The following GDAP2 variants were observed in gnomAD, a reference collection of about 807,000 sequenced individuals.
GDAP2 encodes ganglioside induced differentiation associated protein 2, also known as ganglioside-induced differentiation-associated protein 2.
A neutral mutation model predicts 67.0 loss-of-function variants in GDAP2; 51 were observed. That is an observed-to-expected ratio of 0.76 (90% CI 0.61 to 0.96). The LOEUF (loss-of-function observed/expected upper bound fraction) is 0.96. Among genes scored for constraint, GDAP2 ranks in the 40% least tolerant of loss-of-function variants. The pLI is 0.00. For missense variants in GDAP2, 547 were observed against 588.3 expected (o/e 0.93, Z 0.73); for synonymous variants, 203 against 207.3 (o/e 0.98, Z 0.18).
At position 117,865,321 on chromosome 1, in the gene GDAP2, A is replaced by G. The variant is rs1422047560; in HGVS notation, c.*5248T>C. On this transcript the variant is annotated 3_prime_UTR_variant, in exon 14 of 14. Coordinates refer to ENST00000369443, the MANE Select transcript of GDAP2 (RefSeq NM_017686.4). ...TTGATTCTTCATAGGCTATATTTGTATAGAGTGAGACCCTCTTTAAAAGGG... is the reference window on the plus strand; with the variant it reads ...TTGATTCTTCATAGGCTATATTTGTGTAGAGTGAGACCCTCTTTAAAAGGG... 2.0e-5 allele frequency: 3 copies of G among 152,228 alleles called. No homozygotes were observed. Among genetic ancestry groups the G allele is most frequent in the Admixed American group, 1.3e-4 (2 of 15,282 alleles). 9.4% of individuals were successfully genotyped at this position (152,228 alleles called of 1,614,324 possible).
chr1:117,879,992 A>G (rs1450645048), intron 12 of GDAP2, among the ~76,000 whole-genome samples: 1 of 152,180 alleles, frequency 6.6e-6, no homozygotes, highest in East Asian at 1.9e-4. Context: ...AGCCTTGGCA[A>G]CAGGGCAAGA....
chr1:117,878,092 C>G lies in GDAP2; in HGVS notation c.1363G>C (p.Val455Leu). ...GAAAACAGCTGGTGGAGGCTGTCCACATGGTGGATTTTGTCCTTCAGTCCT... is the reference window on the plus strand; with the variant it reads ...GAAAACAGCTGGTGGAGGCTGTCCAGATGGTGGATTTTGTCCTTCAGTCCT... ...VSGLKDKIHH[V>L]DSLHQLFSAI... The change falls in exon 13 of 14, where the codon GTG (valine) becomes CTG (leucine). Residue 455 changes from valine (V) to leucine (L), a missense_variant. Coordinates refer to ENST00000369443, the MANE Select transcript of GDAP2 (RefSeq NM_017686.4). 1 of 1,612,940 alleles carries G rather than the reference C, an allele frequency of 6.2e-7. No individual in the cohort carries two copies. Among genetic ancestry groups the G allele is most frequent in the African/African-American group, 1.3e-5 (1 of 75,006 alleles).
In GDAP2 at chr1:117,869,396, A is replaced by G. The variant is rs1343811391; in HGVS notation, c.*1173T>C. 2.0e-5 allele frequency: 3 copies of G among 152,342 alleles called. No individual in the cohort carries two copies. The highest frequency in any genetic ancestry group is 7.2e-5 in the African/African-American group (3 of 41,434). The allele number at this position is 152,342 out of a possible 1,614,324, so 9.4% of individuals were successfully genotyped here. ...TACACTAACAGGTATTGCCACACAA[A>G]AAGAAAAATCACTCAAATGGTATCA... On this transcript the variant is annotated 3_prime_UTR_variant, in exon 14 of 14. Transcript: ENST00000369443.
chr1:117,918,781 A>C, intron 2 of GDAP2, 45 bp from the exon 3 acceptor site: 1 of 1,451,090 alleles, frequency 6.9e-7, no homozygotes, highest in Middle Eastern at 1.7e-4. Flanking sequence ...AAAAAGAAGA[A>C]AAGAAACCTA....
chr1:117,877,447 GAATA>G (rs1648502576), intron 13 of GDAP2: 8 of 970,318 alleles, frequency 8.2e-6, no homozygotes, highest in Non-Finnish European at 9.8e-6. Flanking sequence ...AAACACAATA[GAATA>G]AATTGATGAA....
intron 3 of GDAP2, chr1:117,913,366 A>G (rs964271749): frequency 3.9e-5 from 6 of 152,100 alleles, no homozygotes; most frequent in African/African-American, 1.4e-4. Flanking sequence ...CAAATCTGCA[A>G]CAACCCCTCC....
At chr1:117,874,199 C>T (rs1269343648) in intron 13 of GDAP2, among the ~76,000 whole-genome samples, 1 of 152,160 alleles carries the variant, frequency 6.6e-6, no homozygotes, top group African/African-American at 2.4e-5. Flanking sequence ...GAAATTTGAT[C>T]CCCATGCTGG....
chr1:117,923,618 C>G (rs953428664), intron 1 of GDAP2, among the ~76,000 whole-genome samples: 1 of 151,794 alleles, frequency 6.6e-6, no homozygotes, highest in African/African-American at 2.4e-5. Context: ...TGAACTTTCT[C>G]CCCCCCAAAT....
In GDAP2 at chr1:117,883,576, C is replaced by T; in HGVS notation, c.1159G>A (p.Val387Ile). 6.3e-7 allele frequency: 1 copy of T among 1,599,006 alleles called. No homozygotes were observed. Among genetic ancestry groups the T allele is most frequent in the South Asian group, 1.1e-5 (1 of 90,714 alleles). ...VMDHIAVKEY[V>I]LVYFHTLTSE... ...GTCAGGGTGTGAAAATACACTAATA[C>T]ATACTCCTTCACAGCAATGTGATCC... The change falls in exon 11 of 14, where the codon GTA becomes ATA. Residue 387 changes from valine to isoleucine, a missense_variant. Physicochemically the swap from Val to Ile is conservative, Grantham distance 29. Transcript: ENST00000369443.
chr1:117,923,114 G>T (rs577769819), intron 1 of GDAP2, among the ~76,000 whole-genome samples: 2 of 152,176 alleles, frequency 1.3e-5, no homozygotes, highest in Non-Finnish European at 2.9e-5. Flanking sequence ...ACACTTTAAG[G>T]TTATCTCCCT....
At chr1:117,918,784 G>T (rs1455745035) in intron 2 of GDAP2, 48 bp from the exon 3 acceptor site, 4 of 1,431,092 alleles carry the variant, frequency 2.8e-6, no homozygotes, top group African/African-American at 2.9e-5. Flanking sequence ...AAGAAGAAAA[G>T]AAACCTAGTT....
chr1:117,912,055 G>C lies in GDAP2; in HGVS notation c.498C>G (p.Phe166Leu). 1 of 1,609,722 alleles carries C rather than the reference G, an allele frequency of 6.2e-7. No homozygotes were observed. The highest frequency in any genetic ancestry group is 1.7e-4 in the Middle Eastern group (1 of 6,052). Residue 166 changes from phenylalanine to leucine, a missense_variant, in exon 5 of 14, where the codon TTC (phenylalanine) becomes TTG (leucine). Physicochemically the swap from Phe to Leu is conservative, Grantham distance 22 (BLOSUM62 0). Transcript: ENST00000369443. Reference sequence around the variant, plus strand: ...CACGTTTTGCAGAATTGATGACACAGAAGCCAACAGAAGACATTGACTGCT... The same window carrying C: ...CACGTTTTGCAGAATTGATGACACACAAGCCAACAGAAGACATTGACTGCT... ...AKEQSMSSVGFCVINSAKRGY... is the reference protein window; with the variant it reads ...AKEQSMSSVGLCVINSAKRGY...
Position 117,887,709 on chromosome 1 carries a change from A to G in GDAP2, c.1019T>C (p.Leu340Ser), listed in dbSNP as rs1648913860. 1 of 1,542,976 alleles carries G rather than the reference A, an allele frequency of 6.5e-7. No individual in the cohort carries two copies. ...DLSDIASLKA[L>S]YQTGVDNCGR... ...ATATTTAAGCTCACCTGTTTGGTAT[A>G]AGGCTTTTAGAGAAGCAATATCAGA... Residue 340 changes from leucine to serine, a missense_variant, in exon 9 of 14, where the codon TTA (leucine) becomes TCA (serine). Coordinates refer to ENST00000369443, the MANE Select transcript of GDAP2 (RefSeq NM_017686.4).
intron 2 of GDAP2, among the ~76,000 whole-genome samples, chr1:117,919,829 G>A (rs1019522242): frequency 6.7e-6 from 1 of 148,852 alleles, no homozygotes; most frequent in African/African-American, 2.5e-5. Context: ...TAAAACCCTA[G>A]AAAATGCCAA....
At chr1:117,871,546 C>T (rs757679866) in intron 13 of GDAP2, among the ~76,000 whole-genome samples, 1 of 152,142 alleles carries the variant, frequency 6.6e-6, no homozygotes, top group African/African-American at 2.4e-5. Flanking sequence ...GGTACATTTA[C>T]ATTATAGCTA....
At chr1:117,911,047 G>A (rs1649836960) in intron 5 of GDAP2, among the ~76,000 whole-genome samples, 1 of 152,158 alleles carries the variant, frequency 6.6e-6, no homozygotes, top group South Asian at 2.1e-4. Context: ...GTCCAAATGA[G>A]ATTCCTTCAG....
At chr1:117,890,458 A>T (rs1000108078) in intron 8 of GDAP2, among the ~76,000 whole-genome samples, 11 of 151,924 alleles carry the variant, frequency 7.2e-5, no homozygotes, top group South Asian at 2.1e-4. Context: ...TCTGAAAAAA[A>T]TTTTTTTTAA....
chr1:117,916,127 T>G (rs1281807523), intron 3 of GDAP2, among the ~76,000 whole-genome samples: 1 of 152,182 alleles, frequency 6.6e-6, no homozygotes, highest in African/African-American at 2.4e-5. Context: ...TTTACAGGAT[T>G]ACAATTGTGA....
At chr1:117,894,499 G>A (rs1649202011) in intron 8 of GDAP2, among the ~76,000 whole-genome samples, 1 of 152,192 alleles carries the variant, frequency 6.6e-6, no homozygotes, top group South Asian at 2.1e-4. Context: ...CTGCATTTAA[G>A]AATGTCTTCG....
Sources: allele counts gnomAD v4.1 joint callset (sites outside exome capture counted in the v4.1 genomes callset), GRCh38; gene constraint gnomAD v4.1.1; transcripts MANE v1.5; gene names NCBI Gene and HGNC (gene_info 2026-07-23, HGNC 2026-07-21).